KDM4C: variants seen among roughly 807,000 people sequenced by gnomAD.
The protein encoded by KDM4C is lysine-specific demethylase 4C.
KDM4C carries 81 observed loss-of-function variants against 129.3 expected under a neutral mutation model. The observed-to-expected ratio is 0.63, with a 90% confidence interval of 0.52 to 0.75. The LOEUF (loss-of-function observed/expected upper bound fraction) is 0.75. Among genes scored for constraint, KDM4C ranks in the 30% least tolerant of loss-of-function variants. The probability of loss-of-function intolerance (pLI) is 0.00; values close to 1 mark genes in which losing one functional copy is unlikely to be tolerated. For synonymous variants in KDM4C, 573 were observed against 456.1 expected (o/e 1.26, Z -3.26); for missense variants, 1,457 against 1,304.0 (o/e 1.12, Z -1.81).
chr9:7,087,865 G>A (rs562406812), intron 17 of KDM4C, among the ~76,000 whole-genome samples: 5 of 152,300 alleles, frequency 3.3e-5, no homozygotes, highest in Admixed American at 3.3e-4. Flanking sequence ...GAGAAATTTT[G>A]TGTCCACTTA....
chr9:7,015,934 G>A lies in KDM4C; in HGVS notation c.2259+5G>A, dbSNP rs1046737130. ...AAAAGAAATGCGTGGACAGCAGTAA[G>A]TAGCTTATTTTAGTATTGCTTAACC... On this transcript the variant is annotated splice_donor_5th_base_variant and intron_variant, in intron 15 of 21. Coordinates refer to ENST00000381309, the MANE Select transcript of KDM4C (RefSeq NM_015061.6). 2.5e-6 allele frequency: 4 copies of A among 1,606,002 alleles called. No individual in the cohort carries two copies. The highest frequency in any genetic ancestry group is 3.4e-6 in the Non-Finnish European group (4 of 1,173,196).
At chr9:7,086,121 G>A (rs1415134656) in intron 17 of KDM4C, among the ~76,000 whole-genome samples, 1 of 152,144 alleles carries the variant, frequency 6.6e-6, no homozygotes, top group Non-Finnish European at 1.5e-5. Flanking sequence ...TCATGCCACT[G>A]CACTCCAGCC....
chr9:6,900,951 A>G (rs1443871381), intron 8 of KDM4C, among the ~76,000 whole-genome samples: 2 of 142,640 alleles, frequency 1.4e-5, no homozygotes, highest in African/African-American at 5.4e-5. Flanking sequence ...TTAGTGTAGC[A>G]CTTTTGAAGC....
At chr9:6,876,475 A>T (rs933893968) in intron 5 of KDM4C, among the ~76,000 whole-genome samples, 1 of 152,146 alleles carries the variant, frequency 6.6e-6, no homozygotes, top group East Asian at 1.9e-4. Flanking sequence ...GGTGCTTTCC[A>T]GTTCTTGTTT....
chr9:7,084,178 G>A (rs1002823837), intron 17 of KDM4C, among the ~76,000 whole-genome samples: 1 of 152,218 alleles, frequency 6.6e-6, no homozygotes, highest in Non-Finnish European at 1.5e-5. Context: ...TAACACAGGT[G>A]TTGACGACCT....
rs562120681 is a variant in KDM4C at position 7,072,168 on chromosome 9, A to C, written c.2424+22968A>C. 3.5e-3 allele frequency among the ~76,000 whole-genome samples: 540 copies of C among 152,274 alleles called. 4 individuals are homozygous for C. Among genetic ancestry groups the C allele is most frequent in the African/African-American group, 0.012 (501 of 41,564 alleles). On this transcript the variant is annotated intron_variant, in intron 17 of 21. Transcript: ENST00000381309. ...CTGACAGTGTCAAGTAGTGATGCTG[A>C]CGTTTAGCAACTGGAATGCTTATAA...
intron 8 of KDM4C, among the ~76,000 whole-genome samples, chr9:6,947,522 A>G (rs1827196089): frequency 6.6e-6 from 1 of 152,016 alleles, no homozygotes. Context: ...AAGGCTTTGT[A>G]TATTACAATG....
At chr9:6,954,905 G>A (rs897419717) in intron 8 of KDM4C, among the ~76,000 whole-genome samples, 43 of 152,218 alleles carry the variant, frequency 2.8e-4, no homozygotes, top group African/African-American at 9.9e-4. Flanking sequence ...TGCAAATTGG[G>A]AATTAAAGGC....
chr9:6,802,514 C>T (rs2130986114), intron 2 of KDM4C, among the ~76,000 whole-genome samples: 1 of 152,322 alleles, frequency 6.6e-6, no homozygotes, highest in South Asian at 2.1e-4. Context: ...GAAAAAGCCA[C>T]ATGCCCATCA....
chr9:7,062,857 C>T (rs1012030516), intron 17 of KDM4C, among the ~76,000 whole-genome samples: 5 of 152,038 alleles, frequency 3.3e-5, no homozygotes, highest in African/African-American at 1.2e-4. Flanking sequence ...CTATTGACTT[C>T]TTTTTTTCCA....
chr9:7,169,990 A>G, intron 21 of KDM4C, 100 bp downstream of exon 21: 1 of 1,575,786 alleles, frequency 6.3e-7, no homozygotes. Context: ...GGGCTTTTGG[A>G]TTAATTCTAA....
intron 12 of KDM4C, among the ~76,000 whole-genome samples, chr9:6,998,615 G>T (rs1043550884): frequency 6.6e-6 from 1 of 152,108 alleles, no homozygotes; most frequent in African/African-American, 2.4e-5. Context: ...GGTTAACATC[G>T]CAAAACCCTG....
intron 8 of KDM4C, among the ~76,000 whole-genome samples, chr9:6,932,752 T>C (rs926556689): frequency 3.5e-4 from 54 of 152,316 alleles, no homozygotes; most frequent in African/African-American, 1.3e-3. Context: ...TGACCACGTT[T>C]AGGGGCATTT....
chr9:7,130,301 A>T (rs927340845), intron 19 of KDM4C, among the ~76,000 whole-genome samples: 5 of 152,196 alleles, frequency 3.3e-5, no homozygotes, highest in African/African-American at 1.2e-4. Context: ...AATGAACCCT[A>T]AATTCTCTTT....
At chr9:6,781,270 A>G (rs1254083861) in intron 1 of KDM4C, among the ~76,000 whole-genome samples, 1 of 152,186 alleles carries the variant, frequency 6.6e-6, no homozygotes, top group African/African-American at 2.4e-5. Flanking sequence ...ATCATGAACA[A>G]TGAACTAGTA....
chr9:6,780,843 C>T (rs988499846), intron 1 of KDM4C, among the ~76,000 whole-genome samples: 2 of 148,778 alleles, frequency 1.3e-5, no homozygotes, highest in South Asian at 4.3e-4. Flanking sequence ...GATTTCAGCT[C>T]TCCAGAATGC....
rs1817135751 is a variant in KDM4C at position 6,983,553 on chromosome 9, T to A, written c.1116-613T>A. Among the ~76,000 whole-genome samples the A allele has an allele frequency of 2.9e-5, 4 of 136,152 alleles. No individual in the cohort carries two copies. In the South Asian group the frequency reaches 9.0e-4, roughly 31 times the overall value. 89.3% of individuals were successfully genotyped at this position (136,152 alleles called of 152,430 possible). On this transcript the variant is annotated intron_variant, in intron 9 of 21. Coordinates refer to ENST00000381309, the MANE Select transcript of KDM4C (RefSeq NM_015061.6). ...GAGTTCTAGACCACCCGGGACAATATAGTGAGACAGTGTCTTTATGACACA... is the reference window on the plus strand; with the variant it reads ...GAGTTCTAGACCACCCGGGACAATAAAGTGAGACAGTGTCTTTATGACACA...
At position 6,770,236 on chromosome 9, in the gene KDM4C, G is replaced by A. The variant is rs558101392; in HGVS notation, c.-18+12033G>A. Among the ~76,000 whole-genome samples the A allele has an allele frequency of 5.8e-4, 88 of 150,942 alleles. 1 individual carries two copies. The highest frequency in any genetic ancestry group is 2.0e-3 in the African/African-American group (84 of 41,182). ...ACACCAAAAAAAAAAAAAGAACCCC[G>A]TGTGTTGTAAATCAAGGAAAAATGT... On this transcript the variant is annotated intron_variant, in intron 1 of 21. Coordinates refer to ENST00000381309, the MANE Select transcript of KDM4C (RefSeq NM_015061.6).
intron 8 of KDM4C, among the ~76,000 whole-genome samples, chr9:6,925,869 G>A (rs914833931): frequency 1.3e-5 from 2 of 152,166 alleles, no homozygotes; most frequent in African/African-American, 4.8e-5. Flanking sequence ...TTTTATGAAA[G>A]GGCATTGGGA....
Sources: gnomAD v4.1 joint callset for allele counts (sites outside exome capture counted in the v4.1 genomes callset) on GRCh38, gnomAD v4.1.1 for gene constraint, MANE v1.5 for transcripts, NCBI Gene and HGNC (gene_info 2026-07-23, HGNC 2026-07-21) for gene names.